Variants in GRM8 observed in about 807,000 individuals in gnomAD.
GRM8 encodes the protein metabotropic glutamate receptor 8.
GRM8 carries 47 observed loss-of-function variants against 87.2 expected under a neutral mutation model. The observed-to-expected ratio is 0.54, with a 90% CI of 0.43 to 0.69. GRM8 has a LOEUF of 0.69. GRM8 is among the 30% of genes least tolerant of loss of function. The pLI is 0.00. For synonymous variants in GRM8, 396 were observed against 404.5 expected, an observed-to-expected ratio of 0.98 and a Z score of 0.25; for missense variants, 1,019 against 1,139.2, an observed-to-expected ratio of 0.89 and a Z score of 1.52.
chr7:127,211,749 T>C (rs1341633093), intron 2 of GRM8, among the ~76,000 whole-genome samples: 46 of 152,204 alleles, frequency 3.0e-4, no homozygotes, highest in Admixed American at 3.0e-3. Context: ...ACACCATCTG[T>C]GGAGCAGAGG....
chr7:126,541,318 T>A (rs377548037), intron 8 of GRM8, among the ~76,000 whole-genome samples: 3 of 152,080 alleles, frequency 2.0e-5, no homozygotes, highest in East Asian at 1.9e-4. Context: ...AAATTACTAA[T>A]ATATAGTTTC....
intron 2 of GRM8, among the ~76,000 whole-genome samples, chr7:127,152,546 G>T (rs184416810): frequency 3.3e-4 from 50 of 152,212 alleles, no homozygotes; most frequent in Admixed American, 5.9e-4. Context: ...ACTCAACCTG[G>T]ATTGCAAATT....
intron 2 of GRM8, among the ~76,000 whole-genome samples, chr7:127,215,658 G>A (rs113864616): frequency 2.5e-4 from 38 of 152,222 alleles, no homozygotes; most frequent in African/African-American, 8.9e-4. Flanking sequence ...ATTTTTGTGA[G>A]CTTAGCTACA....
Position 126,439,056 on chromosome 7 carries a change from G to GGTCTCAT in GRM8, c.*56_*62dup, listed in dbSNP as rs1386697439. On this transcript the variant is annotated 3_prime_UTR_variant, in exon 11 of 11. Coordinates refer to ENST00000339582, the MANE Select transcript of GRM8 (RefSeq NM_000845.3). Reference sequence around the variant, plus strand: ...GAGATCTCCAGGAGTGAATTTTTGCGGTCTCATGTTCATCATTTAAGATCA... The same window carrying GGTCTCAT: ...GAGATCTCCAGGAGTGAATTTTTGCGGTCTCATGTCTCATGTTCATCATTTAAGATCA... 1 of 939,180 alleles carries GGTCTCAT rather than the reference G, an allele frequency of 1.1e-6. No individual in the cohort carries two copies. The highest frequency in any genetic ancestry group is 1.8e-6 in the Non-Finnish European group (1 of 565,738). 58.2% of individuals were successfully genotyped at this position (939,180 alleles called of 1,614,324 possible).
chr7:126,528,843 A>T (rs972285949), intron 9 of GRM8, among the ~76,000 whole-genome samples: 1 of 152,148 alleles, frequency 6.6e-6, no homozygotes, highest in Non-Finnish European at 1.5e-5. Flanking sequence ...ATGTTTTCTC[A>T]GCTATTTAGC....
chr7:126,910,779 C>T (rs1209596065), intron 3 of GRM8, among the ~76,000 whole-genome samples: 1 of 152,120 alleles, frequency 6.6e-6, no homozygotes, highest in Non-Finnish European at 1.5e-5. Flanking sequence ...AAGGCTGAGA[C>T]TTGTGGGTGA....
chr7:126,960,617 T>G (rs1809215186), intron 3 of GRM8, among the ~76,000 whole-genome samples: 1 of 152,096 alleles, frequency 6.6e-6, no homozygotes, highest in African/African-American at 2.4e-5. Flanking sequence ...CATAAGAAAA[T>G]AATTTTGTAG....
At chr7:127,198,670 T>A (rs77654351) in intron 2 of GRM8, among the ~76,000 whole-genome samples, 7 of 130,866 alleles carry the variant, frequency 5.3e-5, no homozygotes, top group African/African-American at 1.3e-4. Context: ...TAGAAATGAA[T>A]TTTTTTTTTT....
chr7:127,181,779 T>C (rs1057150621), intron 2 of GRM8, among the ~76,000 whole-genome samples: 1 of 151,918 alleles, frequency 6.6e-6, no homozygotes, highest in Non-Finnish European at 1.5e-5. Flanking sequence ...TGCTGGATAA[T>C]TGGCTAGCCA....
At chr7:127,149,751 C>T (rs1473553659) in intron 2 of GRM8, among the ~76,000 whole-genome samples, 1 of 151,978 alleles carries the variant, frequency 6.6e-6, no homozygotes, top group Non-Finnish European at 1.5e-5. Flanking sequence ...CAAGATTCTA[C>T]TTGCCACGAC....
At chr7:126,707,837 C>G (rs1321360485) in intron 7 of GRM8, among the ~76,000 whole-genome samples, 1 of 152,002 alleles carries the variant, frequency 6.6e-6, no homozygotes, top group African/African-American at 2.4e-5. Context: ...TTGGTCTTGA[C>G]AATGGTTTTT....
intron 3 of GRM8, among the ~76,000 whole-genome samples, chr7:126,917,153 T>C (rs961222598): frequency 1.3e-5 from 2 of 152,120 alleles, no homozygotes; most frequent in African/African-American, 4.8e-5. Flanking sequence ...TATTTTTGTT[T>C]TTTGTGGAGA....
At chr7:126,770,747 T>C (rs1472075545) in intron 6 of GRM8, among the ~76,000 whole-genome samples, 25 of 152,226 alleles carry the variant, frequency 1.6e-4, no homozygotes, top group Non-Finnish European at 7.4e-5. Flanking sequence ...TTGGTGTTTA[T>C]AATTTAATAT....
At chr7:126,984,974 AG>A (rs1218806518) in intron 3 of GRM8, among the ~76,000 whole-genome samples, 1 of 152,044 alleles carries the variant, frequency 6.6e-6, no homozygotes, top group African/African-American at 2.4e-5. Context: ...TGTAATTAAA[AG>A]TTTCCTGATA....
At chr7:126,855,472 C>CTT (rs11428822) in intron 6 of GRM8, among the ~76,000 whole-genome samples, 1,475 of 136,906 alleles carry the variant, frequency 0.011, 22 homozygotes, top group African/African-American at 0.024. Flanking sequence ...TATGATTTAT[C>CTT]TTTTTTTTTT....
At chr7:126,808,183 G>C (rs1233760518) in intron 6 of GRM8, among the ~76,000 whole-genome samples, 1 of 152,140 alleles carries the variant, frequency 6.6e-6, no homozygotes, top group Non-Finnish European at 1.5e-5. Context: ...TCTTTTACCT[G>C]AGTTACAATA....
intron 3 of GRM8, among the ~76,000 whole-genome samples, chr7:126,950,699 C>T (rs1269248451): frequency 1.3e-5 from 2 of 152,072 alleles, no homozygotes; most frequent in Non-Finnish European, 2.9e-5. Context: ...TTTCCCATGG[C>T]TTGTCTGTAA....
intron 7 of GRM8, among the ~76,000 whole-genome samples, chr7:126,763,472 TACAC>T (rs143608746): frequency 0.11 from 8,656 of 77,444 alleles, 419 homozygotes; most frequent in South Asian, 0.17. Flanking sequence ...TATATATATA[TACAC>T]ACACACACAC....
chr7:126,545,662 T>G (rs1405383897), intron 8 of GRM8, among the ~76,000 whole-genome samples: 1 of 152,166 alleles, frequency 6.6e-6, no homozygotes, highest in African/African-American at 2.4e-5. Flanking sequence ...TTAAATGTTA[T>G]ACATAAATAA....
Sources: allele counts gnomAD v4.1 joint callset (sites outside exome capture counted in the v4.1 genomes callset), GRCh38; gene constraint gnomAD v4.1.1; transcripts MANE v1.5; gene names NCBI Gene and HGNC (gene_info 2026-07-23, HGNC 2026-07-21).